HIBCH: variants seen among roughly 807,000 people sequenced by gnomAD.
HIBCH encodes 3-hydroxyisobutyryl-CoA hydrolase, mitochondrial.
A neutral mutation model predicts 58.2 loss-of-function variants in HIBCH; 50 were observed. The ratio of observed to expected loss-of-function variants is 0.86; its 90% CI spans 0.68 to 1.09. The LOEUF is 1.09. HIBCH is among the 50% of genes least tolerant of loss of function. The pLI, the probability that HIBCH is intolerant of heterozygous loss-of-function variation, is 0.00. For synonymous variants in HIBCH, 151 were observed against 146.9 expected (o/e 1.03, Z -0.20); for missense variants, 450 against 449.7 (o/e 1.00, Z -0.01).
At position 190,260,830 on chromosome 2, in the gene HIBCH, CAT is replaced by C. The variant is rs1013944340; in HGVS notation, c.517+324_517+325del. Among the ~76,000 whole-genome samples the C allele has an allele frequency of 1.8e-4, 28 of 152,246 alleles. 1 individual carries two copies. The highest frequency in any genetic ancestry group is 1.4e-3 in the Admixed American group (22 of 15,288). ...TATACAAAAATTAACTCAGAAGTGT[CAT>C]ATGATAGTTTTGATCACAACTCAAA... is the stretch of plus-strand genomic sequence containing the variant. On this transcript the variant is annotated intron_variant, in intron 7 of 13. Coordinates refer to ENST00000359678, the MANE Select transcript of HIBCH (RefSeq NM_014362.4).
chr2:190,192,128 T>C (rs1689738339), intron 1 of HIBCH, among the ~76,000 whole-genome samples: 1 of 152,176 alleles, frequency 6.6e-6, no homozygotes, highest in Non-Finnish European at 1.5e-5. Flanking sequence ...AATTTTTCTA[T>C]AAAGTATAAG....
downstream of HIBCH, chr2:190,200,198 T>A: frequency 6.5e-7 from 1 of 1,537,184 alleles, no homozygotes; most frequent in Non-Finnish European, 8.9e-7. Flanking sequence ...TTTGAATAAA[T>A]GTGACAAAAG....
At chr2:190,199,207 A>G (rs932309140), downstream of HIBCH, among the ~76,000 whole-genome samples, 4 of 152,174 alleles carry the variant, frequency 2.6e-5, no homozygotes, top group African/African-American at 7.2e-5. Context: ...ATCAGGACTC[A>G]GCAAACATTT....
chr2:190,213,508 C>T (rs1482144798), intron 11 of HIBCH: 1 of 181,062 alleles, frequency 5.5e-6, no homozygotes, highest in Non-Finnish European at 1.2e-5. Context: ...GGATACTAGG[C>T]CCCTGCTTCA....
chr2:190,252,356 G>A, intron 7 of HIBCH, 49 bp from the exon 8 acceptor site: 2 of 1,512,980 alleles, frequency 1.3e-6, no homozygotes, highest in Non-Finnish European at 1.8e-6. Flanking sequence ...AAATGAAAAA[G>A]ATAAATATAA....
At position 190,281,502 on chromosome 2, in the gene HIBCH, T is replaced by A. The variant is rs1687703533; in HGVS notation, c.438+6084A>T. Among the ~76,000 whole-genome samples the A allele has an allele frequency of 6.6e-6, 1 of 152,088 alleles. No individual in the cohort carries two copies. The highest frequency in any genetic ancestry group is 1.5e-5 in the Non-Finnish European group (1 of 68,020). On this transcript the variant is annotated intron_variant, in intron 6 of 13. Transcript: ENST00000359678. The surrounding 1 kb of genome is among the most constrained non-coding windows in gnomAD (Gnocchi z 5.4). ...CATTTGTGCCAGAGCTCTGGGCCTG[T>A]GATGAGAAAGGGAGGCTCAAAGGTC...
chr2:190,280,380 C>T (rs553055339), intron 6 of HIBCH, among the ~76,000 whole-genome samples: 1 of 152,102 alleles, frequency 6.6e-6, no homozygotes, highest in Non-Finnish European at 1.5e-5. Context: ...AGAGCTCCCC[C>T]ACACCCAGAA....
Position 190,193,754 on chromosome 2 carries a change from T to TAA in HIBCH, c.*18-3759_*18-3758dup, listed in dbSNP as rs1689830016. On this transcript the variant is annotated intron_variant, in intron 1 of 1. Transcript: ENST00000399855. The stretch of plus-strand genomic sequence containing the variant: ...TAGAGATGTATCTATTAGATCTTTT[T>TAA]AAAGAACCAGCATTCATTCTGTTGT... 2.0e-5 allele frequency among the ~76,000 whole-genome samples: 3 copies of TAA among 152,178 alleles called. No individual in the cohort carries two copies. The South Asian group carries it at 6.2e-4, about 32-fold the overall frequency.
At chr2:190,259,444 T>C (rs888563577) in intron 7 of HIBCH, among the ~76,000 whole-genome samples, 1 of 151,454 alleles carries the variant, frequency 6.6e-6, no homozygotes, top group Non-Finnish European at 1.5e-5. Context: ...CTGCAGCCTC[T>C]ACTTTCAGGG....
At chr2:190,257,167 A>G (rs1686949116) in intron 7 of HIBCH, among the ~76,000 whole-genome samples, 1 of 152,220 alleles carries the variant, frequency 6.6e-6, no homozygotes, top group Admixed American at 6.5e-5. Flanking sequence ...TGATCAAGAG[A>G]AAATCTTAAG....
downstream of HIBCH, chr2:190,201,308 GA>G (rs1690234935): frequency 6.0e-6 from 1 of 166,868 alleles, no homozygotes; most frequent in South Asian, 2.1e-4. Context: ...AGTACTGTTT[GA>G]AGATCAGTGG....
At position 190,300,489 on chromosome 2, in the gene HIBCH, G is replaced by A. The variant is rs1342719317; in HGVS notation, c.79-3536C>T. Among the ~76,000 whole-genome samples, 5 of 150,954 alleles carry A rather than the reference G, an allele frequency of 3.3e-5. No individual in the cohort carries two copies. The East Asian group carries it at 9.7e-4, about 29-fold the overall frequency. ...CTTCTTCTAAAAAGTGTTTTTTCAT[G>A]TACTTTGCCCATTTTTTAATGGGGT... On this transcript the variant is annotated intron_variant, in intron 2 of 13. Transcript: ENST00000359678.
intron 11 of HIBCH, among the ~76,000 whole-genome samples, chr2:190,238,823 G>GT (rs1158418678): frequency 4.6e-5 from 7 of 151,974 alleles, no homozygotes; most frequent in East Asian, 1.9e-4. Flanking sequence ...TGATGGGGTT[G>GT]TTTTTTTCTC....
intron 11 of HIBCH, chr2:190,213,856 T>G (rs1690570809): frequency 6.6e-6 from 1 of 152,214 alleles, no homozygotes; most frequent in Non-Finnish European, 1.5e-5. Context: ...GAGGGACCTG[T>G]GCACTAGGAG....
At chr2:190,193,373 T>G (rs1422279285) in intron 1 of HIBCH, among the ~76,000 whole-genome samples, 1 of 152,148 alleles carries the variant, frequency 6.6e-6, no homozygotes, top group Non-Finnish European at 1.5e-5. Flanking sequence ...TGAGGGATAT[T>G]GGCCTGTGGA....
rs1191441759 is a variant in HIBCH, at chr2:190,252,320, G to A, written c.518-13C>T. 6.2e-7 allele frequency: 1 copy of A among 1,607,478 alleles called. No individual in the cohort carries two copies. The highest frequency in any genetic ancestry group is 8.5e-7 in the Non-Finnish European group (1 of 1,174,346). On this transcript the variant is annotated splice_polypyrimidine_tract_variant and intron_variant, in intron 7 of 13. Coordinates refer to ENST00000359678, the MANE Select transcript of HIBCH (RefSeq NM_014362.4). ...TCAGGGAACAGTCCTGTAATTAAAT[G>A]TAACAAAAAGAGATAATGGTGATTC...
chr2:190,212,826 G>C, intron 12 of HIBCH, 130 bp downstream of exon 12: 1 of 765,930 alleles, frequency 1.3e-6, no homozygotes, highest in Non-Finnish European at 2.1e-6. Flanking sequence ...CTGGCCTGTT[G>C]TGTTTTTGTA....
chr2:190,313,036 G>A (rs1332316705), intron 1 of HIBCH, among the ~76,000 whole-genome samples: 2 of 152,194 alleles, frequency 1.3e-5, no homozygotes, highest in East Asian at 1.9e-4. Context: ...GAGGCAGAGT[G>A]TAGAAAGTAA....
At chr2:190,288,819 A>T (rs1325233562) in intron 5 of HIBCH, among the ~76,000 whole-genome samples, 1 of 152,210 alleles carries the variant, frequency 6.6e-6, no homozygotes, top group Non-Finnish European at 1.5e-5. Context: ...TTTTGTCTTT[A>T]AACTTACACC....
Sources: gnomAD v4.1 joint callset for allele counts (sites outside exome capture counted in the v4.1 genomes callset) on GRCh38, gnomAD v4.1.1 for gene constraint, Gnocchi (gnomAD v3.1) non-coding constraint, MANE v1.5 for transcripts, NCBI Gene and HGNC (gene_info 2026-07-23, HGNC 2026-07-21) for gene names.